The following BBX variants were observed in gnomAD, a reference collection of about 807,000 sequenced individuals.
BBX encodes BBX high mobility group box domain containing, also known as HMG box transcription factor BBX.
Under a neutral mutation model 100.2 loss-of-function variants are expected in BBX, and 30 were observed. That is an observed-to-expected ratio of 0.30 (90% CI 0.22 to 0.41). BBX has a LOEUF of 0.41. Ranked by LOEUF, BBX falls within the 10% of genes least tolerant of loss-of-function variation. The pLI is 1.00. For missense variants in BBX, 1,023 were observed against 1,129.8 expected (o/e 0.91, Z 1.35); for synonymous variants, 376 against 388.1 (o/e 0.97, Z 0.37).
intron 2 of BBX, among the ~76,000 whole-genome samples, chr3:107,638,919 G>A (rs557946441): frequency 5.9e-5 from 9 of 151,870 alleles, no homozygotes; most frequent in African/African-American, 2.2e-4. Context: ...AGCCCAGGAG[G>A]CAGAGGTTTT....
chr3:107,564,202 A>G lies in BBX; in HGVS notation c.-84+37804A>G, dbSNP rs562725682. 1.9e-4 allele frequency among the ~76,000 whole-genome samples: 29 copies of G among 152,080 alleles called. No homozygotes were observed. The Middle Eastern group carries it at 0.01, about 54-fold the overall frequency. On this transcript the variant is annotated intron_variant, in intron 2 of 17. Coordinates refer to ENST00000325805, the MANE Select transcript of BBX (RefSeq NM_001142568.3). ...AATGACCTGCTTATATGTCTTGCCC[A>G]TTTCACTATTGGGCTCTCCTTTCTT... is the stretch of plus-strand genomic sequence containing the variant.
At position 107,772,268 on chromosome 3, in the gene BBX, T is replaced by C. The variant is rs1576733882; in HGVS notation, c.907-360T>C. 2.0e-5 allele frequency among the ~76,000 whole-genome samples: 3 copies of C among 152,294 alleles called. No homozygotes were observed. In the South Asian group the frequency reaches 6.2e-4, roughly 32 times the overall value. ...AGCCACAGAGGAGTGAGGGGGTAAGTGATTCATTCTGGGTCACAAAGTTAA... is the reference window on the plus strand; with the variant it reads ...AGCCACAGAGGAGTGAGGGGGTAAGCGATTCATTCTGGGTCACAAAGTTAA... On this transcript the variant is annotated intron_variant, in intron 10 of 17. Transcript: ENST00000325805.
intron 3 of BBX, among the ~76,000 whole-genome samples, chr3:107,676,418 A>G (rs537978648): frequency 5.4e-4 from 82 of 152,278 alleles, no homozygotes; most frequent in African/African-American, 1.9e-3. Context: ...ACATGTAGGG[A>G]CATGGTACCA....
intron 13 of BBX, among the ~76,000 whole-genome samples, chr3:107,784,828 AAATT>A (rs2068252791): frequency 1.3e-5 from 2 of 151,922 alleles, no homozygotes; most frequent in African/African-American, 4.8e-5. Context: ...TGATGAAATG[AAATT>A]AATTAAATAA....
At chr3:107,762,016 TA>T (rs748159240) in intron 10 of BBX, among the ~76,000 whole-genome samples, 1 of 152,216 alleles carries the variant, frequency 6.6e-6, no homozygotes, top group Non-Finnish European at 1.5e-5. Flanking sequence ...TTCTAATACT[TA>T]AAATGCATTT....
At chr3:107,794,356 A>G (rs1400596262) in intron 15 of BBX, among the ~76,000 whole-genome samples, 1 of 152,160 alleles carries the variant, frequency 6.6e-6, no homozygotes, top group Non-Finnish European at 1.5e-5. Context: ...ATCAGCTACT[A>G]CATTTTCCGT....
chr3:107,701,244 G>A (rs993011814), intron 3 of BBX, among the ~76,000 whole-genome samples: 1 of 152,176 alleles, frequency 6.6e-6, no homozygotes, highest in Non-Finnish European at 1.5e-5. Context: ...GATTGCAGGG[G>A]AAGGGCAGTA....
intron 3 of BBX, among the ~76,000 whole-genome samples, chr3:107,651,894 C>T (rs1337185033): frequency 3.9e-5 from 6 of 152,134 alleles, no homozygotes; most frequent in African/African-American, 1.4e-4. Flanking sequence ...AGGCTTTTAG[C>T]AGCCTGTAGC....
At chr3:107,679,141 TA>T (rs35708083) in intron 3 of BBX, among the ~76,000 whole-genome samples, 399 of 143,600 alleles carry the variant, frequency 2.8e-3, no homozygotes, top group Admixed American at 2.9e-3. Context: ...AGGGCTTCAT[TA>T]AAAAAAAAAA....
intron 8 of BBX, among the ~76,000 whole-genome samples, chr3:107,745,611 C>T (rs1318528627): frequency 6.6e-6 from 1 of 151,916 alleles, no homozygotes; most frequent in South Asian, 2.1e-4. Flanking sequence ...CAGGCACATG[C>T]CACCATGCCC....
intron 2 of BBX, among the ~76,000 whole-genome samples, chr3:107,621,618 G>A (rs1353061700): frequency 1.3e-5 from 2 of 152,168 alleles, no homozygotes; most frequent in Non-Finnish European, 2.9e-5. Flanking sequence ...TTTAGATATC[G>A]TTCAGCTTGA....
At chr3:107,594,657 A>G (rs1278567006) in intron 2 of BBX, among the ~76,000 whole-genome samples, 2 of 152,160 alleles carry the variant, frequency 1.3e-5, no homozygotes, top group Admixed American at 6.5e-5. Context: ...TTCCTCATCA[A>G]TGAAACAGGA....
chr3:107,593,740 T>C (rs2053493457), intron 2 of BBX, among the ~76,000 whole-genome samples: 1 of 152,164 alleles, frequency 6.6e-6, no homozygotes, highest in Admixed American at 6.5e-5. Flanking sequence ...GTGATTTCTC[T>C]CAGTCCCTGT....
chr3:107,715,224 G>C (rs910064523), intron 4 of BBX, among the ~76,000 whole-genome samples: 4 of 152,138 alleles, frequency 2.6e-5, no homozygotes, highest in Non-Finnish European at 4.4e-5. Flanking sequence ...CCTCAAACCA[G>C]TAATATCAGC....
In BBX at chr3:107,791,318, T is replaced by C. The variant is rs766038233; in HGVS notation, c.2353+19T>C. The C allele has an allele frequency of 1.1e-5, 18 of 1,603,962 alleles. No homozygotes were observed. The Admixed American group carries it at 1.8e-4, about 16-fold the overall frequency. On this transcript the variant is annotated intron_variant, in intron 15 of 17. Transcript: ENST00000325805. Reference sequence around the variant, plus strand: ...ACAGAAGGTAAGACAAGCAATGTTATTTAATTTGAGACAATCGGAGCTGGA... The same window carrying C: ...ACAGAAGGTAAGACAAGCAATGTTACTTAATTTGAGACAATCGGAGCTGGA...
Position 107,584,048 on chromosome 3 carries a change from T to C in BBX, c.-84+57650T>C, listed in dbSNP as rs1239637790. On this transcript the variant is annotated intron_variant, in intron 2 of 17. Transcript: ENST00000325805. ...TTATATATATTAATTATATATATTA[T>C]ATATATTATATATATCATATATTAT... is the stretch of plus-strand genomic sequence containing the variant. Among the ~76,000 whole-genome samples the C allele has an allele frequency of 1.4e-4, 6 of 41,572 alleles. 1 individual carries two copies. The highest frequency in any genetic ancestry group is 2.8e-4 in the African/African-American group (2 of 7,220). 27.3% of individuals were successfully genotyped at this position (41,572 alleles called of 152,430 possible). A position where few individuals can be genotyped will look rare whatever the true frequency, so the allele number is the denominator to read the frequency against.
intron 7 of BBX, among the ~76,000 whole-genome samples, chr3:107,741,865 AT>A (rs1389550311): frequency 6.6e-6 from 1 of 152,144 alleles, no homozygotes; most frequent in Non-Finnish European, 1.5e-5. Context: ...TATAGATAGA[AT>A]TTCTTATTTC....
chr3:107,628,974 A>G (rs2056379241), intron 2 of BBX, among the ~76,000 whole-genome samples: 1 of 152,158 alleles, frequency 6.6e-6, no homozygotes, highest in Admixed American at 6.5e-5. Flanking sequence ...TTCCACTTGA[A>G]AGAAGTGTTT....
rs146170398 is a variant in BBX at position 107,742,865 on chromosome 3, T to A, written c.670-1765T>A. Among the ~76,000 whole-genome samples the A allele has an allele frequency of 4.6e-5, 7 of 152,330 alleles. No homozygotes were observed. In the East Asian group the frequency reaches 7.7e-4, roughly 17 times the overall value. On this transcript the variant is annotated intron_variant, in intron 7 of 17. Coordinates refer to ENST00000325805, the MANE Select transcript of BBX (RefSeq NM_001142568.3). ...TTTGCAAACAGTATTATTGAACTTT[T>A]AAACTTTCTGACTTGATGTGTTGTC...
Sources: allele counts gnomAD v4.1 joint callset (sites outside exome capture counted in the v4.1 genomes callset), GRCh38; gene constraint gnomAD v4.1.1; transcripts MANE v1.5; gene names NCBI Gene and HGNC (gene_info 2026-07-23, HGNC 2026-07-21).